The following GABRG3 variants were observed in gnomAD, a reference collection of about 807,000 sequenced individuals.
The protein encoded by GABRG3 is gamma-aminobutyric acid receptor subunit gamma-3.
Under a neutral mutation model 48.8 loss-of-function variants are expected in GABRG3, and 25 were observed. The ratio of observed to expected loss-of-function variants is 0.51; its 90% CI spans 0.37 to 0.72. The LOEUF is 0.72. Ranked by LOEUF, GABRG3 falls within the 30% of genes least tolerant of loss-of-function variation. GABRG3 has a pLI of 0.00. For synonymous variants in GABRG3, 227 were observed against 217.6 expected (o/e 1.04, Z -0.38); for missense variants, 394 against 577.9 (o/e 0.68, Z 3.26).
intron 2 of GABRG3, among the ~76,000 whole-genome samples, chr15:27,005,228 G>A (rs1431068177): frequency 1.3e-5 from 2 of 151,692 alleles, no homozygotes; most frequent in Non-Finnish European, 2.9e-5. Flanking sequence ...TTGAGATGGA[G>A]TCTCTCTCTG....
At chr15:27,450,169 A>G (rs1821847828) in intron 5 of GABRG3, among the ~76,000 whole-genome samples, 1 of 152,186 alleles carries the variant, frequency 6.6e-6, no homozygotes, top group South Asian at 2.1e-4. Context: ...CTCCCCACAC[A>G]AGAAAAACCT....
intron 5 of GABRG3, among the ~76,000 whole-genome samples, chr15:27,423,769 T>C (rs1469891655): frequency 7.0e-6 from 1 of 142,364 alleles, no homozygotes; most frequent in Non-Finnish European, 1.5e-5. Context: ...TGTCTCATTA[T>C]ATTGCCCTGT....
chr15:27,160,202 G>A (rs139808879), intron 3 of GABRG3, among the ~76,000 whole-genome samples: 98 of 152,252 alleles, frequency 6.4e-4, no homozygotes, highest in African/African-American at 2.1e-3. Context: ...CTTTGTGAAT[G>A]GGTAGAAAAT....
rs1891514986 is a variant in GABRG3 at position 27,534,932 on chromosome 15, T to C, written c.*2051T>C. Reference sequence around the variant, plus strand: ...AGCCAATTGGCTTCAGTTTAGCAAATTCAGTTTTAAAAATAAAAGAGTATT... The same window carrying C: ...AGCCAATTGGCTTCAGTTTAGCAAACTCAGTTTTAAAAATAAAAGAGTATT... On this transcript the variant is annotated 3_prime_UTR_variant, in exon 10 of 10. Coordinates refer to ENST00000615808, the MANE Select transcript of GABRG3 (RefSeq NM_033223.5). The C allele has an allele frequency of 6.6e-6, 1 of 152,222 alleles. No homozygotes were observed. Among genetic ancestry groups the C allele is most frequent in the African/African-American group, 2.4e-5 (1 of 41,446 alleles). 9.4% of individuals were successfully genotyped at this position (152,222 alleles called of 1,614,324 possible).
At chr15:27,448,824 C>T (rs1039313664) in intron 5 of GABRG3, among the ~76,000 whole-genome samples, 4 of 140,930 alleles carry the variant, frequency 2.8e-5, no homozygotes, top group Admixed American at 2.0e-4. Context: ...AAATAAGTTA[C>T]GAAGTTATTT....
intron 2 of GABRG3, among the ~76,000 whole-genome samples, chr15:27,016,754 T>A (rs1895786241): frequency 6.6e-6 from 1 of 152,174 alleles, no homozygotes; most frequent in Admixed American, 6.5e-5. Flanking sequence ...CACTCTACCG[T>A]AAGTCCCTTA....
chr15:26,990,979 A>G (rs539433197), intron 2 of GABRG3, among the ~76,000 whole-genome samples: 41 of 151,558 alleles, frequency 2.7e-4, no homozygotes, highest in Middle Eastern at 6.8e-3. Flanking sequence ...TAACTTTTGT[A>G]TTTTCAATAG....
intron 3 of GABRG3, chr15:27,271,517 C>T: frequency 2.2e-6 from 1 of 455,566 alleles, no homozygotes; most frequent in African/African-American, 2.0e-5. Context: ...AGCCCCCAGG[C>T]CACGCCCTTT....
intron 5 of GABRG3, among the ~76,000 whole-genome samples, chr15:27,469,183 C>T (rs1420446164): frequency 6.6e-6 from 1 of 152,110 alleles, no homozygotes; most frequent in African/African-American, 2.4e-5. Flanking sequence ...GTCATAATTA[C>T]ACAAAGTTAG....
rs1329591894 is a variant in GABRG3 at position 27,537,536 on chromosome 15, CTTATGTT to C, written c.*4660_*4666del. 6.6e-6 allele frequency: 1 copy of C among 152,110 alleles called. No individual in the cohort carries two copies. The highest frequency in any genetic ancestry group is 2.4e-5 in the African/African-American group (1 of 41,442). 9.4% of individuals were successfully genotyped at this position (152,110 alleles called of 1,614,324 possible). A position where few individuals can be genotyped will look rare whatever the true frequency, so the allele number is the denominator to read the frequency against. ...ACCTGCATCGCTGATCCCTTGTTGA[CTTATGTT>C]TTATTATAAAAATAGATCTCTATCA... is the stretch of plus-strand genomic sequence containing the variant. On this transcript the variant is annotated 3_prime_UTR_variant, in exon 10 of 10. Transcript: ENST00000615808.
chr15:27,202,387 T>G (rs2140429597), intron 3 of GABRG3, among the ~76,000 whole-genome samples: 1 of 152,330 alleles, frequency 6.6e-6, no homozygotes, highest in East Asian at 1.9e-4. Flanking sequence ...CAAGTAATGC[T>G]ACACAAAACA....
At chr15:27,523,843 A>G (rs1170033465) in intron 7 of GABRG3, among the ~76,000 whole-genome samples, 1 of 152,038 alleles carries the variant, frequency 6.6e-6, no homozygotes, top group Non-Finnish European at 1.5e-5. Flanking sequence ...TATTGAAAAA[A>G]ATAATAATCA....
chr15:27,018,229 C>G (rs1477831659), intron 2 of GABRG3, among the ~76,000 whole-genome samples: 1 of 152,206 alleles, frequency 6.6e-6, no homozygotes, highest in African/African-American at 2.4e-5. Flanking sequence ...TATAACATTA[C>G]TAGACTTGGC....
At chr15:27,058,416 A>G (rs1006968654) in intron 3 of GABRG3, among the ~76,000 whole-genome samples, 2 of 152,192 alleles carry the variant, frequency 1.3e-5, no homozygotes, top group African/African-American at 2.4e-5. Flanking sequence ...GGAGGCGTCC[A>G]TTAGGGCCAC....
chr15:27,077,242 C>T (rs928920789), intron 3 of GABRG3, among the ~76,000 whole-genome samples: 6 of 152,228 alleles, frequency 3.9e-5, no homozygotes, highest in African/African-American at 1.2e-4. Context: ...TGTGTTGCAG[C>T]GCGTTTGTGG....
intron 3 of GABRG3, among the ~76,000 whole-genome samples, chr15:27,061,186 A>G (rs1896637633): frequency 6.6e-6 from 1 of 152,234 alleles, no homozygotes; most frequent in African/African-American, 2.4e-5. Context: ...TGAAAGGCCA[A>G]TTGGTTGAGA....
rs1566770423 is a variant in GABRG3 at position 27,307,151 on chromosome 15, C to CATA, written c.271-19657_271-19655dup. 3.8e-3 allele frequency among the ~76,000 whole-genome samples: 493 copies of CATA among 128,526 alleles called. 12 individuals are homozygous for CATA. The highest frequency in any genetic ancestry group is 0.014 in the African/African-American group (466 of 32,478). 84.3% of individuals were successfully genotyped at this position (128,526 alleles called of 152,430 possible). On this transcript the variant is annotated intron_variant, in intron 3 of 9. Coordinates refer to ENST00000615808, the MANE Select transcript of GABRG3 (RefSeq NM_033223.5). Reference sequence around the variant, plus strand: ...ATAAACATGTTTATACATATATAAACATATAAAAACATGTTTATACATAAT... The same window carrying CATA: ...ATAAACATGTTTATACATATATAAACATAATATAAAAACATGTTTATACATAAT...
intron 3 of GABRG3, among the ~76,000 whole-genome samples, chr15:27,054,460 A>G (rs1896507349): frequency 6.6e-6 from 1 of 152,204 alleles, no homozygotes. Context: ...CAACACTGGA[A>G]AAAACTGTAA....
intron 5 of GABRG3, among the ~76,000 whole-genome samples, chr15:27,388,402 G>GA (rs1184743569): frequency 6.0e-5 from 9 of 148,880 alleles, no homozygotes; most frequent in Non-Finnish European, 1.2e-4. Flanking sequence ...GGGAGGGAGG[G>GA]GAAGGAAGGA....
Sources: allele counts gnomAD v4.1 joint callset (sites outside exome capture counted in the v4.1 genomes callset), GRCh38; gene constraint gnomAD v4.1.1; transcripts MANE v1.5; gene names NCBI Gene and HGNC (gene_info 2026-07-23, HGNC 2026-07-21).